Variants in MAP3K5 observed in about 807,000 individuals in gnomAD.
The protein encoded by MAP3K5 is mitogen-activated protein kinase kinase kinase 5.
Under a neutral mutation model 158.7 loss-of-function variants are expected in MAP3K5, and 56 were observed. That is an observed-to-expected ratio of 0.35 (90% confidence interval 0.28 to 0.44). The LOEUF (loss-of-function observed/expected upper bound fraction) is 0.44, where lower values mean the gene tolerates loss of function less well. Among genes scored for constraint, MAP3K5 ranks in the 20% least tolerant of loss-of-function variants. The pLI is 1.00. For synonymous variants in MAP3K5, 579 were observed against 601.7 expected (o/e 0.96, Z 0.55); for missense variants, 1,294 against 1,674.8 (o/e 0.77, Z 3.97).
intron 1 of MAP3K5, among the ~76,000 whole-genome samples, chr6:136,763,032 T>C (rs1783822352): frequency 7.2e-5 from 11 of 152,214 alleles, no homozygotes. Context: ...AGGCTCTCAC[T>C]CAGTCACCCA....
chr6:136,637,653 T>A (rs1001776089), intron 13 of MAP3K5, among the ~76,000 whole-genome samples: 19 of 89,624 alleles, frequency 2.1e-4, no homozygotes, highest in African/African-American at 4.8e-4. Context: ...GGAACTCTTC[T>A]TGTAAAGTTT....
chr6:136,743,661 T>C (rs1484302116), intron 1 of MAP3K5, among the ~76,000 whole-genome samples: 2 of 152,180 alleles, frequency 1.3e-5, no homozygotes, highest in African/African-American at 4.8e-5. Context: ...ACTATTGCTA[T>C]ACAACCCACC....
chr6:136,685,221 G>T (rs571316267), intron 7 of MAP3K5, among the ~76,000 whole-genome samples: 1 of 152,074 alleles, frequency 6.6e-6, no homozygotes, highest in Non-Finnish European at 1.5e-5. Context: ...AGCAGGCTGA[G>T]ACAGGAGGAT....
chr6:136,781,761 C>T (rs1279588521), intron 1 of MAP3K5, among the ~76,000 whole-genome samples: 1 of 152,194 alleles, frequency 6.6e-6, no homozygotes, highest in Non-Finnish European at 1.5e-5. Flanking sequence ...AAAATCACCC[C>T]AACCTCAGAG....
intron 1 of MAP3K5, 67 bp from the exon 2 acceptor site, chr6:136,720,656 T>A: frequency 8.1e-7 from 1 of 1,241,724 alleles, no homozygotes. Context: ...CACATTTTGG[T>A]TTGAATTATC....
At chr6:136,711,918 G>A (rs976830953) in intron 2 of MAP3K5, among the ~76,000 whole-genome samples, 21 of 152,016 alleles carry the variant, frequency 1.4e-4, no homozygotes, top group Admixed American at 3.3e-4. Context: ...TATTCATGAC[G>A]GGGGCTAAGA....
intron 14 of MAP3K5, among the ~76,000 whole-genome samples, chr6:136,626,789 A>C (rs947811556): frequency 1.3e-5 from 2 of 150,604 alleles, no homozygotes; most frequent in African/African-American, 2.5e-5. Flanking sequence ...GAAAAAAAAA[A>C]CCAACTTTCA....
chr6:136,592,355 T>C lies in MAP3K5; in HGVS notation c.3057-14A>G, dbSNP rs772176137. 2.3e-5 allele frequency: 37 copies of C among 1,589,488 alleles called. No homozygotes were observed. The highest frequency in any genetic ancestry group is 3.0e-5 in the Non-Finnish European group (35 of 1,167,012). On this transcript the variant is annotated splice_polypyrimidine_tract_variant and intron_variant, in intron 22 of 29. Coordinates refer to ENST00000359015, the MANE Select transcript of MAP3K5 (RefSeq NM_005923.4). ...TCATCTGGAATGCTGAGAAAATTTA[T>C]GCAGCATAAATCACAGTTCCCTTTA...
intron 1 of MAP3K5, among the ~76,000 whole-genome samples, chr6:136,759,037 G>A (rs975056371): frequency 1.3e-5 from 2 of 152,098 alleles, no homozygotes; most frequent in African/African-American, 4.8e-5. Context: ...AGCCAGGTGT[G>A]GTGGCAGGCA....
intron 23 of MAP3K5, among the ~76,000 whole-genome samples, chr6:136,585,848 T>C (rs1775117172): frequency 6.6e-6 from 1 of 152,238 alleles, no homozygotes; most frequent in South Asian, 2.1e-4. Context: ...TAGGATGTTA[T>C]TTGTTCCCAT....
At chr6:136,701,685 G>C (rs1037912689) in intron 3 of MAP3K5, among the ~76,000 whole-genome samples, 1 of 152,144 alleles carries the variant, frequency 6.6e-6, no homozygotes, top group African/African-American at 2.4e-5. Context: ...TCAACTATGA[G>C]AATTGTTCTA....
intron 9 of MAP3K5, among the ~76,000 whole-genome samples, chr6:136,656,883 A>G (rs1387779799): frequency 1.3e-5 from 2 of 152,094 alleles, no homozygotes; most frequent in African/African-American, 4.8e-5. Context: ...CGGCCTCCCA[A>G]CGTGCTGGGA....
At chr6:136,577,091 G>A (rs752098449) in intron 25 of MAP3K5, among the ~76,000 whole-genome samples, 24 of 152,204 alleles carry the variant, frequency 1.6e-4, no homozygotes, top group Non-Finnish European at 2.6e-4. Flanking sequence ...TTGTACTAGC[G>A]ATGGTATACT....
At chr6:136,602,293 T>C (rs1024408559) in intron 19 of MAP3K5, among the ~76,000 whole-genome samples, 30 of 152,072 alleles carry the variant, frequency 2.0e-4, no homozygotes, top group African/African-American at 6.5e-4. Flanking sequence ...AGGATCTTTA[T>C]TTTTCTTTCT....
At chr6:136,704,714 T>G (rs1248004403) in intron 3 of MAP3K5, among the ~76,000 whole-genome samples, 1 of 152,066 alleles carries the variant, frequency 6.6e-6, no homozygotes, top group East Asian at 1.9e-4. Context: ...CCTGGCTAAT[T>G]TTTGTATTTT....
chr6:136,682,159 G>A (rs968751517), intron 7 of MAP3K5, among the ~76,000 whole-genome samples: 16 of 152,112 alleles, frequency 1.1e-4, no homozygotes, highest in African/African-American at 3.6e-4. Flanking sequence ...CCAATGAGCT[G>A]GTGTCATGCT....
At chr6:136,640,323 GA>G (rs1266171469) in intron 12 of MAP3K5, among the ~76,000 whole-genome samples, 2 of 152,202 alleles carry the variant, frequency 1.3e-5, no homozygotes, top group Non-Finnish European at 2.9e-5. Context: ...ATGCATAAAT[GA>G]ATGAACATGG....
chr6:136,749,360 G>A (rs71560612), intron 1 of MAP3K5, among the ~76,000 whole-genome samples: 2,021 of 146,578 alleles, frequency 0.014, 23 homozygotes, highest in Non-Finnish European at 0.02. Flanking sequence ...GCAACAGAGC[G>A]AAACTCTGTA....
intron 7 of MAP3K5, among the ~76,000 whole-genome samples, chr6:136,671,732 G>A (rs1483914847): frequency 3.9e-5 from 6 of 152,040 alleles, no homozygotes; most frequent in Non-Finnish European, 8.8e-5. Context: ...TCCTGCCTCA[G>A]CCTCCCGAGT....
Sources: allele counts gnomAD v4.1 joint callset (sites outside exome capture counted in the v4.1 genomes callset), GRCh38; gene constraint gnomAD v4.1.1; transcripts MANE v1.5; gene names NCBI Gene and HGNC (gene_info 2026-07-23, HGNC 2026-07-21).